The following PDE1C variants were observed in gnomAD, a reference collection of about 807,000 sequenced individuals.
PDE1C encodes the protein phosphodiesterase 1C, also known as dual specificity calcium/calmodulin-dependent 3',5'-cyclic nucleotide phosphodiesterase 1C.
Under a neutral mutation model 93.1 loss-of-function variants are expected in PDE1C, and 62 were observed. That is an observed-to-expected ratio of 0.67 (90% CI 0.54 to 0.82). The LOEUF is 0.82. PDE1C is among the 40% of genes least tolerant of loss of function. The probability of loss-of-function intolerance (pLI) is 0.00; values close to 1 mark genes in which losing one functional copy is unlikely to be tolerated. For missense variants in PDE1C, 742 were observed against 884.6 expected (o/e 0.84, Z 2.04); for synonymous variants, 325 against 310.1 (o/e 1.05, Z -0.50).
At chr7:31,676,413 T>G in the PDE1C span, among the ~76,000 whole-genome samples, 1 of 151,866 alleles carries the variant, frequency 6.6e-6, no homozygotes. Context: ...TTAAAAATAA[T>G]AATAGTTTTT....
At chr7:32,070,484 G>A (rs1244561864), upstream of PDE1C, 4 of 1,566,524 alleles carry the variant, frequency 2.6e-6, no homozygotes, top group South Asian at 4.7e-5. Context: ...TGCCCAGCCA[G>A]GCGCGGCGCG....
At chr7:32,046,412 G>A (rs955613157) in intron 2 of PDE1C, among the ~76,000 whole-genome samples, 1 of 152,014 alleles carries the variant, frequency 6.6e-6, no homozygotes, top group Admixed American at 6.6e-5. Flanking sequence ...GATAATGTAA[G>A]TATCCTCCCA....
intron 2 of PDE1C, among the ~76,000 whole-genome samples, chr7:32,045,069 C>T (rs577824513): frequency 3.5e-4 from 51 of 143,850 alleles, no homozygotes; most frequent in African/African-American, 1.1e-3. Context: ...CCCACCCCCT[C>T]CCTTCCCCCC....
chr7:31,886,884 G>GAATAGAT (rs1798020689), intron 2 of PDE1C, among the ~76,000 whole-genome samples: 1 of 554 alleles, frequency 1.8e-3, no homozygotes. Context: ...CTATTCAGGG[G>GAATAGAT]CGTGTCAAAA....
At chr7:32,368,359 A>G (rs1284111455) in intron 1 of PDE1C, among the ~76,000 whole-genome samples, 2 of 152,194 alleles carry the variant, frequency 1.3e-5, no homozygotes, top group African/African-American at 4.8e-5. Context: ...ATACACAAAA[A>G]ACAAACTAGC....
intron 2 of PDE1C, among the ~76,000 whole-genome samples, chr7:32,195,841 C>T (rs1311169212): frequency 1.3e-5 from 2 of 152,138 alleles, no homozygotes; most frequent in Non-Finnish European, 2.9e-5. Flanking sequence ...GTTCAAGTTC[C>T]CTACTGGGCT....
intron 1 of PDE1C, among the ~76,000 whole-genome samples, chr7:32,225,032 A>C (rs1027833080): frequency 6.6e-6 from 1 of 152,118 alleles, no homozygotes; most frequent in African/African-American, 2.4e-5. Flanking sequence ...TAAAAAAAAA[A>C]AAAAGACTAT....
the PDE1C span, among the ~76,000 whole-genome samples, chr7:31,744,818 A>T: frequency 6.6e-6 from 1 of 152,192 alleles, no homozygotes; most frequent in South Asian, 2.1e-4. Context: ...AAATTCGGGA[A>T]ACTGCAGTAC....
intron 2 of PDE1C, among the ~76,000 whole-genome samples, chr7:32,206,640 C>T (rs542950247): frequency 7.9e-5 from 12 of 152,282 alleles, no homozygotes; most frequent in East Asian, 7.8e-4. Context: ...GGCTACGATG[C>T]GGTACCCACA....
chr7:31,660,410 T>A, the PDE1C span, among the ~76,000 whole-genome samples: 4 of 152,190 alleles, frequency 2.6e-5, no homozygotes, highest in Non-Finnish European at 5.9e-5. Flanking sequence ...ATTCCCTTTA[T>A]AAAGATACAT....
the PDE1C span, among the ~76,000 whole-genome samples, chr7:31,648,459 T>C: frequency 1.3e-5 from 2 of 152,200 alleles, no homozygotes; most frequent in Admixed American, 6.5e-5. Flanking sequence ...GGCTAAAATG[T>C]GTTTTTCCAT....
intron 1 of PDE1C, among the ~76,000 whole-genome samples, chr7:32,395,176 C>T (rs995258467): frequency 1.3e-5 from 2 of 152,138 alleles, no homozygotes; most frequent in African/African-American, 4.8e-5. Flanking sequence ...AAGAACTGTA[C>T]TCAATGCTAG....
At chr7:31,927,019 T>C (rs1271038466) in intron 2 of PDE1C, among the ~76,000 whole-genome samples, 1 of 152,164 alleles carries the variant, frequency 6.6e-6, no homozygotes, top group Non-Finnish European at 1.5e-5. Context: ...TCTCACTCAG[T>C]GGGTTCCACT....
rs1394480326 is a variant in PDE1C at position 32,403,161 on chromosome 7, G to A, written c.310+24661C>T. On this transcript the variant is annotated intron_variant, in intron 1 of 1. Coordinates refer to the PDE1C transcript ENST00000672256. ...TAAAAGCATTTCAGTTCTCCATGGA[G>A]GACAGAATTTGCTGACCATTAATGT... 3.3e-5 allele frequency among the ~76,000 whole-genome samples: 5 copies of A among 151,602 alleles called. No individual in the cohort carries two copies. In the Admixed American group the frequency reaches 3.3e-4, roughly 10 times the overall value.
At chr7:32,051,204 A>T (rs1006932543) in intron 2 of PDE1C, among the ~76,000 whole-genome samples, 4 of 152,188 alleles carry the variant, frequency 2.6e-5, no homozygotes, top group Admixed American at 1.3e-4. Flanking sequence ...GACACTAAAC[A>T]TGTTATATAA....
In PDE1C at chr7:31,880,841, G is replaced by C. The variant is rs1249966688; in HGVS notation, c.148C>G (p.Gln50Glu). ...ACTGAAGCTTCCCCTCTCTCTAATT[G>C]TTTGACCAAAGACCGTAATCTAGAA... is the stretch of plus-strand genomic sequence containing the variant. Reference protein sequence around the residue: ...TSQRLRSLVKQLERGEASVVD... With the variant: ...TSQRLRSLVKELERGEASVVD... Residue 50 changes from glutamine to glutamate, a missense_variant, in exon 3 of 18, where the codon CAA (glutamine) becomes GAA (glutamate). Physicochemically the swap from Gln to Glu is conservative, Grantham distance 29. Transcript: ENST00000396191. 1.2e-6 allele frequency: 2 copies of C among 1,606,978 alleles called. No homozygotes were observed. Among genetic ancestry groups the C allele is most frequent in the African/African-American group, 2.7e-5 (2 of 74,742 alleles).
At chr7:32,374,743 T>C (rs1784406760) in intron 1 of PDE1C, among the ~76,000 whole-genome samples, 1 of 152,266 alleles carries the variant, frequency 6.6e-6, no homozygotes, top group Non-Finnish European at 1.5e-5. Context: ...GGTGCTTTGC[T>C]ATGCAGCAAT....
At position 31,933,235 on chromosome 7, in the gene PDE1C, A is replaced by C. The variant is rs541446776; in HGVS notation, c.129-52375T>G. On this transcript the variant is annotated intron_variant, in intron 2 of 17. Transcript: ENST00000396191. ...TAACCCAGAACTTAAAGTTTAATTT[A>C]AAAAAAAAGAAAACTACTAGATGTT... 3.4e-4 allele frequency among the ~76,000 whole-genome samples: 51 copies of C among 151,126 alleles called. 1 individual carries two copies. In the South Asian group the frequency reaches 0.011, roughly 32 times the overall value.
At chr7:31,774,547 G>A (rs141840307) in intron 17 of PDE1C, among the ~76,000 whole-genome samples, 4 of 152,202 alleles carry the variant, frequency 2.6e-5, no homozygotes, top group East Asian at 1.9e-4. Flanking sequence ...TGGTAAATCC[G>A]TACTTACAGA....
Sources: gnomAD v4.1 joint callset for allele counts (sites outside exome capture counted in the v4.1 genomes callset) on GRCh38, gnomAD v4.1.1 for gene constraint, MANE v1.5 for transcripts, NCBI Gene and HGNC (gene_info 2026-07-23, HGNC 2026-07-21) for gene names.